SUGCT: variants seen among roughly 807,000 people sequenced by gnomAD.
The protein encoded by SUGCT is succinyl-CoA:glutarate CoA-transferase.
A neutral mutation model predicts 55.0 loss-of-function variants in SUGCT; 41 were observed. The ratio of observed to expected loss-of-function variants is 0.74; its 90% CI spans 0.58 to 0.97. SUGCT has a LOEUF of 0.97. Among genes scored for constraint, SUGCT ranks in the 50% least tolerant of loss-of-function variants. The pLI is 0.00. For synonymous variants in SUGCT, 187 were observed against 200.4 expected, an observed-to-expected ratio of 0.93 and a Z score of 0.56; for missense variants, 568 against 547.8, an observed-to-expected ratio of 1.04 and a Z score of -0.37.
intron 12 of SUGCT, among the ~76,000 whole-genome samples, chr7:40,665,788 T>C (rs1162614910): frequency 1.3e-5 from 2 of 151,978 alleles, no homozygotes; most frequent in East Asian, 1.9e-4. Flanking sequence ...GAAGATAAGG[T>C]GGGAGCACAG....
chr7:40,298,132 C>T, intron 8 of SUGCT, among the ~76,000 whole-genome samples: 1 of 150,102 alleles, frequency 6.7e-6, no homozygotes. Flanking sequence ...TAATGTTGAC[C>T]TTATAATTTG....
chr7:40,914,021 G>A, the SUGCT span, among the ~76,000 whole-genome samples: 1 of 151,434 alleles, frequency 6.6e-6, no homozygotes, highest in Non-Finnish European at 1.5e-5. Context: ...ATTTGACAAT[G>A]AGACTAAACA....
chr7:40,218,302 G>A (rs78265241), intron 6 of SUGCT, among the ~76,000 whole-genome samples: 2,671 of 152,232 alleles, frequency 0.018, 74 homozygotes, highest in African/African-American at 0.062. Context: ...AGAAATACAC[G>A]CATGTACTAC....
the SUGCT span, among the ~76,000 whole-genome samples, chr7:40,917,744 C>T: frequency 1.3e-5 from 2 of 152,190 alleles, no homozygotes; most frequent in South Asian, 4.1e-4. Context: ...GGGCCCTCTT[C>T]ATGGTTTGCA....
intron 9 of SUGCT, among the ~76,000 whole-genome samples, chr7:40,404,118 A>C (rs1465530342): frequency 6.6e-6 from 1 of 152,164 alleles, no homozygotes; most frequent in Non-Finnish European, 1.5e-5. Context: ...ATGGAAGGAG[A>C]TGGATGAGCA....
intron 13 of SUGCT, among the ~76,000 whole-genome samples, chr7:40,813,321 C>T (rs2128759697): frequency 6.6e-6 from 1 of 152,082 alleles, no homozygotes; most frequent in Admixed American, 6.5e-5. Flanking sequence ...TGAAGTTCCC[C>T]ACTATTATTG....
chr7:41,007,356 G>A, the SUGCT span, among the ~76,000 whole-genome samples: 5 of 152,016 alleles, frequency 3.3e-5, no homozygotes, highest in African/African-American at 7.3e-5. Context: ...ACAACAAGTC[G>A]AGGCCTCCTT....
chr7:40,249,977 G>T (rs1291122664), intron 7 of SUGCT, among the ~76,000 whole-genome samples: 3 of 152,074 alleles, frequency 2.0e-5, no homozygotes, highest in African/African-American at 7.2e-5. Context: ...AGTAGAGATG[G>T]GATTTCACTA....
chr7:40,337,809 T>G (rs1796801557), intron 9 of SUGCT, among the ~76,000 whole-genome samples: 2 of 152,232 alleles, frequency 1.3e-5, no homozygotes, highest in Admixed American at 6.5e-5. Flanking sequence ...AGCTGGTTAT[T>G]TTGCTCATTA....
intron 9 of SUGCT, among the ~76,000 whole-genome samples, chr7:40,319,567 C>G (rs1240460198): frequency 2.0e-5 from 3 of 152,154 alleles, no homozygotes; most frequent in Non-Finnish European, 4.4e-5. Flanking sequence ...TGAACCCTAT[C>G]TGAAAGATTG....
Position 40,496,369 on chromosome 7 carries a change from G to A in SUGCT, c.1072G>A (p.Val358Ile). ...TGGCCCAATCAACAACATGAAGAATGTATTTGCAGAACCTCAGGTTTGTTT... is the reference window on the plus strand; with the variant it reads ...TGGCCCAATCAACAACATGAAGAATATATTTGCAGAACCTCAGGTTTGTTT... Reference protein sequence around the residue: ...PYGPINNMKNVFAEPQVLHNG... With the variant: ...PYGPINNMKNIFAEPQVLHNG... The change falls in exon 12 of 14, where the codon GTA (valine) becomes ATA (isoleucine). Residue 358 changes from valine to isoleucine, a missense_variant. By Grantham distance (29) the Val-to-Ile change is conservative. Transcript: ENST00000335693. 1 of 1,612,010 alleles carries A rather than the reference G, an allele frequency of 6.2e-7. No individual in the cohort carries two copies. The highest frequency in any genetic ancestry group is 8.5e-7 in the Non-Finnish European group (1 of 1,178,714).
chr7:40,256,778 C>G (rs1414195561), intron 7 of SUGCT, among the ~76,000 whole-genome samples: 1 of 152,170 alleles, frequency 6.6e-6, no homozygotes, highest in African/African-American at 2.4e-5. Flanking sequence ...GAGTCTCACT[C>G]TGTCACCCAG....
At chr7:40,899,763 C>T in the SUGCT span, among the ~76,000 whole-genome samples, 1 of 151,994 alleles carries the variant, frequency 6.6e-6, no homozygotes, top group Non-Finnish European at 1.5e-5. Flanking sequence ...GGAAAAAAAA[C>T]TTCAAACCTT....
intron 12 of SUGCT, among the ~76,000 whole-genome samples, chr7:40,693,606 C>T (rs1784790578): frequency 6.6e-6 from 1 of 152,138 alleles, no homozygotes; most frequent in Non-Finnish European, 1.5e-5. Flanking sequence ...GCTATACTGC[C>T]TCTGAAGGAG....
At chr7:40,630,364 G>A (rs746242382) in intron 12 of SUGCT, among the ~76,000 whole-genome samples, 5 of 152,172 alleles carry the variant, frequency 3.3e-5, no homozygotes, top group Non-Finnish European at 4.4e-5. Flanking sequence ...GGCTTGATTA[G>A]TTGACATTAT....
At chr7:40,876,177 A>C in the SUGCT span, among the ~76,000 whole-genome samples, 1 of 152,174 alleles carries the variant, frequency 6.6e-6, no homozygotes, top group Non-Finnish European at 1.5e-5. Flanking sequence ...TGCAACCATA[A>C]TACCTCTGGG....
the SUGCT span, among the ~76,000 whole-genome samples, chr7:40,943,762 C>A: frequency 6.6e-6 from 1 of 152,106 alleles, no homozygotes; most frequent in Non-Finnish European, 1.5e-5. Flanking sequence ...GTCTTTATAG[C>A]AGCGTGATTT....
At chr7:40,151,658 C>A (rs1388412065) in intron 1 of SUGCT, 1 of 222,732 alleles carries the variant, frequency 4.5e-6, no homozygotes, top group Non-Finnish European at 1.0e-5. Context: ...TAGTTGTAAA[C>A]CTGCATGAGA....
chr7:40,164,469 A>G (rs1045607899), intron 1 of SUGCT, among the ~76,000 whole-genome samples: 1 of 152,140 alleles, frequency 6.6e-6, no homozygotes, highest in Non-Finnish European at 1.5e-5. Flanking sequence ...ATTAATTGCA[A>G]AAGTTGAGGA....
Sources: gnomAD v4.1 joint callset for allele counts (sites outside exome capture counted in the v4.1 genomes callset) on GRCh38, gnomAD v4.1.1 for gene constraint, MANE v1.5 for transcripts, NCBI Gene and HGNC (gene_info 2026-07-23, HGNC 2026-07-21) for gene names.